The following BRD7 variants were observed in gnomAD, a reference collection of about 807,000 sequenced individuals.
BRD7 encodes the protein bromodomain-containing protein 7.
BRD7 carries 15 observed loss-of-function variants against 82.1 expected under a neutral mutation model. The observed-to-expected ratio is 0.18, with a 90% CI of 0.12 to 0.28. The LOEUF is 0.28. Among genes scored for constraint, BRD7 ranks in the 10% least tolerant of loss-of-function variants. The probability of loss-of-function intolerance (pLI) is 1.00; values close to 1 mark genes in which losing one functional copy is unlikely to be tolerated. For synonymous variants in BRD7, 232 were observed against 266.9 expected (o/e 0.87, Z 1.27); for missense variants, 638 against 779.9 (o/e 0.82, Z 2.17).
chr16:50,319,311 T>C, intron 16 of BRD7, 45 bp from the exon 17 acceptor site: 2 of 1,587,128 alleles, frequency 1.3e-6, no homozygotes, highest in Non-Finnish European at 1.7e-6. Context: ...TTTTTACCTT[T>C]TAATTAAAAA....
In BRD7 at chr16:50,350,136, C is replaced by T. The variant is rs755697124; in HGVS notation, c.478G>A (p.Val160Met). The T allele has an allele frequency of 3.1e-6, 5 of 1,591,636 alleles. No individual in the cohort carries two copies. The highest frequency in any genetic ancestry group is 4.3e-6 in the Non-Finnish European group (5 of 1,172,860). Residue 160 changes from valine to methionine, a missense_variant, in exon 5 of 17, where the codon GTG becomes ATG. Coordinates refer to ENST00000394688, the MANE Select transcript of BRD7 (RefSeq NM_013263.5). Reference sequence around the variant, plus strand: ...TAGCCAGGAGCAATAAAATCAGTCACAGGAAATGAAAAGAAAGCACTTGGA... The same window carrying T: ...TAGCCAGGAGCAATAAAATCAGTCATAGGAAATGAAAAGAAAGCACTTGGA... Reference protein sequence around the residue: ...KDPSAFFSFPVTDFIAPGYSM... With the variant: ...KDPSAFFSFPMTDFIAPGYSM...
chr16:50,340,751 C>T (rs1597059907), intron 5 of BRD7, among the ~76,000 whole-genome samples: 1 of 152,190 alleles, frequency 6.6e-6, no homozygotes, highest in East Asian at 1.9e-4. Context: ...AGCCAAATTA[C>T]CAAAACTGTC....
At position 50,325,278 on chromosome 16, in the gene BRD7, C is replaced by A. The variant is rs1327315275; in HGVS notation, c.1331+470G>T. On this transcript the variant is annotated intron_variant, in intron 11 of 16. Transcript: ENST00000394688. Reference sequence around the variant, plus strand: ...AATAAAGAATGGTTGAGTTTAACTGCAATGGTCTACCTGGCATGTGATTGG... The same window carrying A: ...AATAAAGAATGGTTGAGTTTAACTGAAATGGTCTACCTGGCATGTGATTGG... Among the ~76,000 whole-genome samples the A allele has an allele frequency of 4.6e-5, 7 of 152,274 alleles. No individual in the cohort carries two copies. In the South Asian group the frequency reaches 1.4e-3, roughly 32 times the overall value.
At chr16:50,341,721 A>G (rs1241743848) in intron 5 of BRD7, among the ~76,000 whole-genome samples, 1 of 151,382 alleles carries the variant, frequency 6.6e-6, no homozygotes, top group Non-Finnish European at 1.5e-5. Flanking sequence ...TACTATATAT[A>G]CTCAAACTAA....
At chr16:50,328,786 T>C (rs779831987) in intron 8 of BRD7, 42 bp from the exon 9 acceptor site, 19 of 1,568,400 alleles carry the variant, frequency 1.2e-5, no homozygotes, top group Non-Finnish European at 1.7e-5. Flanking sequence ...AAGTGTTTTA[T>C]ACAAACAGGC....
In BRD7 at chr16:50,368,808, C is replaced by G. The variant is rs1202084114; in HGVS notation, c.-34G>C. On this transcript the variant is annotated 5_prime_UTR_variant, in exon 1 of 17. Coordinates refer to ENST00000394688, the MANE Select transcript of BRD7 (RefSeq NM_013263.5). ...GGGCCCCGGTGCCCGCCCCCCGCGC[C>G]AGGCCCAGGCCGTGCGGCGCCGCTT... The G allele has an allele frequency of 1.4e-6, 2 of 1,473,508 alleles. No individual in the cohort carries two copies. The highest frequency in any genetic ancestry group is 3.0e-5 in the African/African-American group (2 of 67,792). 91.3% of individuals were successfully genotyped at this position (1,473,508 alleles called of 1,614,324 possible). A position where few individuals can be genotyped will look rare whatever the true frequency, so the allele number is the denominator to read the frequency against.
At position 50,368,452 on chromosome 16, in the gene BRD7, G is replaced by C. The variant is rs886475818; in HGVS notation, c.50-154C>G. The C allele has an allele frequency of 4.2e-5, 38 of 904,508 alleles. 1 individual carries two copies. The highest frequency in any genetic ancestry group is 2.4e-4 in the Admixed American group (8 of 33,946). The allele number at this position is 904,508 out of a possible 1,614,324, so 56.0% of individuals were successfully genotyped here. A position where few individuals can be genotyped will look rare whatever the true frequency, so the allele number is the denominator to read the frequency against. On this transcript the variant is annotated intron_variant, in intron 1 of 16. Coordinates refer to ENST00000394688, the MANE Select transcript of BRD7 (RefSeq NM_013263.5). ...TGTTGAATGACGGACCCCGGCCCGG[G>C]GGTGCGGCGGCGCCGCCCGCCCCGA...
At chr16:50,363,641 T>TTGTATGTG (rs1491153781) in intron 2 of BRD7, among the ~76,000 whole-genome samples, 1 of 149,174 alleles carries the variant, frequency 6.7e-6, no homozygotes, top group South Asian at 2.1e-4. Flanking sequence ...CGTTGTGTGT[T>TTGTATGTG]TGTGTGTGTG....
In BRD7 at chr16:50,368,707, AC is replaced by A. The variant is rs1192346629; in HGVS notation, c.49+18del. 2 of 1,548,160 alleles carry A rather than the reference AC, an allele frequency of 1.3e-6. No homozygotes were observed. The highest frequency in any genetic ancestry group is 2.7e-5 in the East Asian group (1 of 36,804). On this transcript the variant is annotated intron_variant, in intron 1 of 16. Transcript: ENST00000394688. ...GAGCCGCCGAGGGCCCGCCGCCCGC[AC>A]CCCGGCCCCCTCCTCACCCTCGTAG...
chr16:50,344,057 G>A (rs2038182680), intron 5 of BRD7, among the ~76,000 whole-genome samples: 2 of 152,168 alleles, frequency 1.3e-5, no homozygotes, highest in South Asian at 2.1e-4. Flanking sequence ...GCCCCTCTGA[G>A]ATGAAGCTTC....
At chr16:50,367,132 ATAAC>A (rs1429177773) in intron 2 of BRD7, among the ~76,000 whole-genome samples, 2 of 152,386 alleles carry the variant, frequency 1.3e-5, no homozygotes, top group African/African-American at 2.4e-5. Context: ...GAAAAATTAC[ATAAC>A]TAACCTATGA....
rs571883682 is a variant in BRD7 at position 50,353,307 on chromosome 16, C to T, written c.446+1118G>A. On this transcript the variant is annotated intron_variant, in intron 4 of 16. Transcript: ENST00000394688. ...CTTAAACTCCTGGCCTCAACTGATCCTCCCACCTCAGCCTCCCAAAGTGTT... is the reference window on the plus strand; with the variant it reads ...CTTAAACTCCTGGCCTCAACTGATCTTCCCACCTCAGCCTCCCAAAGTGTT... Among the ~76,000 whole-genome samples, 4 of 152,152 alleles carry T rather than the reference C, an allele frequency of 2.6e-5. No individual in the cohort carries two copies. The South Asian group carries it at 6.2e-4, about 24-fold the overall frequency.
At chr16:50,354,011 C>G (rs2151194720) in intron 4 of BRD7, among the ~76,000 whole-genome samples, 1 of 152,234 alleles carries the variant, frequency 6.6e-6, no homozygotes, top group African/African-American at 2.4e-5. Flanking sequence ...TAAAAGAAGG[C>G]CATAATTCCT....
At chr16:50,341,518 C>T (rs1185323986) in intron 5 of BRD7, among the ~76,000 whole-genome samples, 1 of 151,574 alleles carries the variant, frequency 6.6e-6, no homozygotes, top group African/African-American at 2.4e-5. Flanking sequence ...TGACACACCC[C>T]TGTAGTCCCA....
chr16:50,356,016 G>C (rs1452822424), intron 2 of BRD7, among the ~76,000 whole-genome samples: 1 of 152,200 alleles, frequency 6.6e-6, no homozygotes, highest in African/African-American at 2.4e-5. Context: ...TGATATCACA[G>C]GTAACTCACA....
At chr16:50,352,189 C>T (rs763844464) in intron 4 of BRD7, among the ~76,000 whole-genome samples, 6 of 152,218 alleles carry the variant, frequency 3.9e-5, no homozygotes, top group African/African-American at 9.6e-5. Flanking sequence ...TCTGTCTTCA[C>T]ATCAGATGGG....
chr16:50,329,722 T>G (rs1255740601), intron 8 of BRD7, among the ~76,000 whole-genome samples: 1 of 152,226 alleles, frequency 6.6e-6, no homozygotes, highest in African/African-American at 2.4e-5. Context: ...GCCACTTTTG[T>G]GGGCTGCTTG....
chr16:50,330,539 T>C (rs1364016817), intron 8 of BRD7, among the ~76,000 whole-genome samples: 1 of 152,092 alleles, frequency 6.6e-6, no homozygotes, highest in African/African-American at 2.4e-5. Flanking sequence ...TGGAAATGAC[T>C]GATAGTCTAA....
intron 5 of BRD7, among the ~76,000 whole-genome samples, chr16:50,343,817 G>C (rs903293627): frequency 6.6e-6 from 1 of 152,180 alleles, no homozygotes; most frequent in African/African-American, 2.4e-5. Flanking sequence ...CTCGAACTGG[G>C]TGGAGCCTAC....
Sources: allele counts gnomAD v4.1 joint callset (sites outside exome capture counted in the v4.1 genomes callset), GRCh38; gene constraint gnomAD v4.1.1; transcripts MANE v1.5; gene names NCBI Gene and HGNC (gene_info 2026-07-23, HGNC 2026-07-21).